FTCDNL1: variants seen among roughly 807,000 people sequenced by gnomAD.
FTCDNL1 encodes the protein formiminotransferase cyclodeaminase N-terminal like.
In FTCDNL1, 11 loss-of-function variants were observed where a neutral mutation model predicts 5.9. That is an observed-to-expected ratio of 1.87 (90% CI 1.18 to 3.10). FTCDNL1 has a LOEUF of 3.10. Ranked by LOEUF, FTCDNL1 falls within the 30% of genes most tolerant of loss-of-function variation. FTCDNL1 has a pLI of 0.00. For synonymous variants in FTCDNL1, 58 were observed against 24.8 expected (o/e 2.34, Z -3.99); for missense variants, 115 against 65.5 (o/e 1.76, Z -2.61).
At chr2:199,834,394 C>T (rs1441341694) in intron 3 of FTCDNL1, among the ~76,000 whole-genome samples, 4 of 152,302 alleles carry the variant, frequency 2.6e-5, no homozygotes, top group African/African-American at 7.2e-5. Flanking sequence ...ACCAGCCTCG[C>T]TCCCTCCTAA....
rs569314917 is a variant in FTCDNL1 at position 199,821,277 on chromosome 2, G to A, written c.212-1520C>T. 8.0e-5 allele frequency among the ~76,000 whole-genome samples: 12 copies of A among 149,794 alleles called. No individual in the cohort carries two copies. The South Asian group carries it at 1.1e-3, about 13-fold the overall frequency. On this transcript the variant is annotated intron_variant, in intron 3 of 4. Coordinates refer to ENST00000420128, the MANE Select transcript of FTCDNL1 (RefSeq NM_001363886.2). ...CAATTCTCCTGCCTCAGCCCACCAT[G>A]TAGCTTGGATTACAGGCACGTGCCA...
chr2:199,779,224 G>A (rs1574483792), intron 3 of FTCDNL1, among the ~76,000 whole-genome samples: 1 of 152,124 alleles, frequency 6.6e-6, no homozygotes. Context: ...ATTGATATTT[G>A]CTCAAGTAAA....
the FTCDNL1 span, among the ~76,000 whole-genome samples, chr2:199,709,504 G>T: frequency 6.6e-5 from 10 of 152,088 alleles, no homozygotes; most frequent in Non-Finnish European, 1.3e-4. Flanking sequence ...GAGATAGATT[G>T]CAGGGAGGGG....
intron 4 of FTCDNL1, chr2:199,819,230 G>A (rs1368107624): frequency 1.1e-5 from 3 of 269,498 alleles, no homozygotes; most frequent in Non-Finnish European, 2.2e-5. Flanking sequence ...TCACACCCTA[G>A]GACACACCCC....
chr2:199,749,817 T>A, the FTCDNL1 span, among the ~76,000 whole-genome samples: 1 of 152,118 alleles, frequency 6.6e-6, no homozygotes, highest in Non-Finnish European at 1.5e-5. Flanking sequence ...TCTGAGGACA[T>A]GAATGAGCAT....
chr2:199,829,124 G>C (rs769473124), intron 3 of FTCDNL1, among the ~76,000 whole-genome samples: 2 of 152,020 alleles, frequency 1.3e-5, no homozygotes, highest in Non-Finnish European at 2.9e-5. Context: ...ATGCAGTTTT[G>C]AAACAGGCAA....
At chr2:199,845,162 C>T (rs765755890) in intron 3 of FTCDNL1, among the ~76,000 whole-genome samples, 17 of 152,092 alleles carry the variant, frequency 1.1e-4, no homozygotes, top group Non-Finnish European at 2.5e-4. Context: ...ATATTATAGA[C>T]ACCTAAGAGT....
chr2:199,812,886 A>G (rs1428931511), intron 4 of FTCDNL1, among the ~76,000 whole-genome samples, 162 bp from the exon 5 acceptor site: 2 of 152,270 alleles, frequency 1.3e-5, no homozygotes, highest in Non-Finnish European at 2.9e-5. Flanking sequence ...ACAGAGAAAT[A>G]TAACAGGCCT....
chr2:199,705,381 G>A, the FTCDNL1 span, among the ~76,000 whole-genome samples: 1 of 151,992 alleles, frequency 6.6e-6, no homozygotes, highest in African/African-American at 2.4e-5. Context: ...TTATCCTATT[G>A]TAAATTATAT....
chr2:199,768,840 G>T (rs1698666912), intron 3 of FTCDNL1, among the ~76,000 whole-genome samples: 1 of 152,118 alleles, frequency 6.6e-6, no homozygotes, highest in Non-Finnish European at 1.5e-5. Flanking sequence ...GAGATTGGAG[G>T]TAAGAATGAG....
intron 3 of FTCDNL1, among the ~76,000 whole-genome samples, chr2:199,826,133 C>T (rs1045245103): frequency 1.3e-5 from 2 of 152,196 alleles, no homozygotes; most frequent in African/African-American, 2.4e-5. Context: ...TTTGGAGCTA[C>T]AGTTCTGTAG....
chr2:199,784,242 T>C (rs899406644), intron 3 of FTCDNL1, among the ~76,000 whole-genome samples: 4 of 152,160 alleles, frequency 2.6e-5, no homozygotes, highest in African/African-American at 9.7e-5. Flanking sequence ...GCAACAGCAA[T>C]CTGATTCCAA....
the FTCDNL1 span, among the ~76,000 whole-genome samples, chr2:199,689,840 A>C: frequency 0.023 from 3,401 of 150,796 alleles, 137 homozygotes; most frequent in African/African-American, 0.077. Flanking sequence ...GAATATAATT[A>C]GATATGGGCA....
the FTCDNL1 span, among the ~76,000 whole-genome samples, chr2:199,754,850 C>T: frequency 1.3e-5 from 2 of 152,196 alleles, no homozygotes; most frequent in African/African-American, 2.4e-5. Flanking sequence ...GTAAAACACA[C>T]ACATAATTTT....
intron 4 of FTCDNL1, among the ~76,000 whole-genome samples, chr2:199,813,068 T>C (rs143059385): frequency 2.7e-3 from 413 of 152,296 alleles, no homozygotes; most frequent in African/African-American, 9.1e-3. Context: ...TTAATTAACA[T>C]CTGATGTGTA....
chr2:199,755,307 G>A, the FTCDNL1 span, among the ~76,000 whole-genome samples: 3 of 152,120 alleles, frequency 2.0e-5, no homozygotes, highest in Admixed American at 6.6e-5. Context: ...TCACTATTAA[G>A]CTACCCAGTG....
At chr2:199,734,493 A>G in the FTCDNL1 span, among the ~76,000 whole-genome samples, 1 of 152,258 alleles carries the variant, frequency 6.6e-6, no homozygotes. Context: ...AAAATTATCT[A>G]AATATCCCAT....
intron 3 of FTCDNL1, among the ~76,000 whole-genome samples, chr2:199,762,310 T>C (rs112266353): frequency 4.6e-5 from 7 of 151,950 alleles, no homozygotes; most frequent in African/African-American, 1.7e-4. Flanking sequence ...ACCTGGGAGG[T>C]AGAGGTTGCG....
At chr2:199,740,054 A>C in the FTCDNL1 span, among the ~76,000 whole-genome samples, 14 of 152,298 alleles carry the variant, frequency 9.2e-5, no homozygotes, top group South Asian at 4.1e-4. Flanking sequence ...GGTGGAAAAC[A>C]ACCACTGTTT....
Sources: gnomAD v4.1 joint callset for allele counts (sites outside exome capture counted in the v4.1 genomes callset) on GRCh38, gnomAD v4.1.1 for gene constraint, MANE v1.5 for transcripts, NCBI Gene and HGNC (gene_info 2026-07-23, HGNC 2026-07-21) for gene names.